The following OCA2 variants were observed in gnomAD, a reference collection of about 807,000 sequenced individuals.
OCA2 encodes P protein.
In OCA2, 77 loss-of-function variants were observed where a neutral mutation model predicts 100.2. The ratio of observed to expected loss-of-function variants is 0.77; its 90% CI spans 0.64 to 0.93. OCA2 has a LOEUF of 0.93. Ranked by LOEUF, OCA2 falls within the 40% of genes least tolerant of loss-of-function variation. The probability of loss-of-function intolerance (pLI) is 0.00; values close to 1 mark genes in which losing one functional copy is unlikely to be tolerated. For missense variants in OCA2, 1,062 were observed against 1,089.1 expected, an observed-to-expected ratio of 0.98 and a Z score of 0.35; for synonymous variants, 432 against 439.2, an observed-to-expected ratio of 0.98 and a Z score of 0.21.
At chr15:27,965,577 T>C (rs2140808969) in intron 15 of OCA2, among the ~76,000 whole-genome samples, 1 of 152,258 alleles carries the variant, frequency 6.6e-6, no homozygotes, top group African/African-American at 2.4e-5. Context: ...CAGCCACCCA[T>C]GTGGAAATGG....
chr15:27,940,940 G>T (rs1427777693), intron 18 of OCA2, among the ~76,000 whole-genome samples: 4 of 152,222 alleles, frequency 2.6e-5, no homozygotes, highest in Admixed American at 2.6e-4. Flanking sequence ...TGTGACCACA[G>T]TGTAGCTTCA....
intron 19 of OCA2, among the ~76,000 whole-genome samples, chr15:27,891,183 A>G (rs1047088732): frequency 3.3e-5 from 5 of 152,226 alleles, no homozygotes; most frequent in Non-Finnish European, 7.3e-5. Flanking sequence ...TCAAGAAAAG[A>G]TAAAGGAATC....
downstream of OCA2, among the ~76,000 whole-genome samples, chr15:27,750,878 G>A (rs1160548584): frequency 1.3e-5 from 2 of 152,162 alleles, no homozygotes; most frequent in African/African-American, 4.8e-5. Context: ...AGAGAATCTG[G>A]ACCTGGGGAG....
chr15:27,798,644 A>G (rs530482692), intron 23 of OCA2, among the ~76,000 whole-genome samples: 116 of 152,282 alleles, frequency 7.6e-4, no homozygotes, highest in African/African-American at 2.5e-3. Flanking sequence ...TTAATTTGAA[A>G]AAAAAAAAAC....
At chr15:27,727,039 T>G in the OCA2 span, among the ~76,000 whole-genome samples, 1 of 152,238 alleles carries the variant, frequency 6.6e-6, no homozygotes, top group Non-Finnish European at 1.5e-5. Flanking sequence ...CGAGTTATGT[T>G]GTGGCAAATC....
At chr15:27,822,869 G>T (rs1341381766) in intron 23 of OCA2, among the ~76,000 whole-genome samples, 2 of 152,098 alleles carry the variant, frequency 1.3e-5, no homozygotes, top group African/African-American at 4.8e-5. Flanking sequence ...GGTAACTTTT[G>T]ATGACCAAAA....
At chr15:27,959,832 G>A (rs1410943889) in intron 15 of OCA2, among the ~76,000 whole-genome samples, 2 of 152,194 alleles carry the variant, frequency 1.3e-5, no homozygotes, top group Non-Finnish European at 2.9e-5. Context: ...AAAAGGAAGT[G>A]CTGCTCCACT....
rs1474892203 is a variant in OCA2, at chr15:28,074,676, A to AC, written c.227+6971_227+6972insG. 5.9e-3 allele frequency among the ~76,000 whole-genome samples: 661 copies of AC among 111,960 alleles called. 5 individuals are homozygous for AC. Among genetic ancestry groups the AC allele is most frequent in the African/African-American group, 0.028 (637 of 22,736 alleles). The allele number at this position is 111,960 out of a possible 152,430, so 73.5% of individuals were successfully genotyped here. On this transcript the variant is annotated intron_variant, in intron 2 of 23. Coordinates refer to ENST00000354638, the MANE Select transcript of OCA2 (RefSeq NM_000275.3). ...GCAACAGAGCGAGACTCCGTCTCAA[A>AC]AAAAAAAAAAAAAAAAAAAAATTAG...
intron 23 of OCA2, among the ~76,000 whole-genome samples, chr15:27,816,987 G>A (rs1744145930): frequency 1.3e-5 from 2 of 152,124 alleles, no homozygotes; most frequent in East Asian, 1.9e-4. Context: ...CAGGTCAGGC[G>A]CTTCCTAGGA....
intron 15 of OCA2, among the ~76,000 whole-genome samples, chr15:27,960,629 T>C (rs904531237): frequency 1.7e-4 from 26 of 152,256 alleles, no homozygotes; most frequent in Admixed American, 8.5e-4. Flanking sequence ...TGTATCTATG[T>C]ATCTATCTCC....
At chr15:27,940,582 G>A (rs1422636666) in intron 18 of OCA2, among the ~76,000 whole-genome samples, 1 of 146,526 alleles carries the variant, frequency 6.8e-6, no homozygotes, top group Non-Finnish European at 1.5e-5. Flanking sequence ...GTGTGGTTGT[G>A]TCAAGCTTCC....
intron 23 of OCA2, among the ~76,000 whole-genome samples, chr15:27,772,908 CAGAT>C (rs916818942): frequency 4.8e-4 from 73 of 151,574 alleles, no homozygotes; most frequent in African/African-American, 1.4e-3. Context: ...TGCTCAGAGA[CAGAT>C]AGTGTCATAT....
chr15:27,891,759 T>C lies in OCA2; in HGVS notation c.2080-19837A>G, dbSNP rs529938497. The stretch of plus-strand genomic sequence containing the variant: ...TATGAAAGAGCAACTTTAATTGAAA[T>C]GGCATATTTAAGCATTAACATATCA... On this transcript the variant is annotated intron_variant, in intron 19 of 23. Transcript: ENST00000354638. Among the ~76,000 whole-genome samples the C allele has an allele frequency of 2.6e-5, 4 of 152,290 alleles. No homozygotes were observed. In the East Asian group the frequency reaches 7.7e-4, roughly 29 times the overall value.
chr15:27,864,867 A>C (rs2036262434), intron 21 of OCA2, among the ~76,000 whole-genome samples: 1 of 151,762 alleles, frequency 6.6e-6, no homozygotes, highest in South Asian at 2.1e-4. Context: ...AGCGGTTCCA[A>C]CTCGGTCTTT....
At chr15:27,926,315 T>C (rs774356450) in intron 18 of OCA2, 61 bp from the exon 19 acceptor site, 27 of 1,590,642 alleles carry the variant, frequency 1.7e-5, no homozygotes, top group Non-Finnish European at 1.9e-5. Context: ...GATTCATTTC[T>C]TTAACCTCTG....
chr15:27,738,228 A>G, the OCA2 span, among the ~76,000 whole-genome samples: 17 of 152,338 alleles, frequency 1.1e-4, no homozygotes, highest in Non-Finnish European at 1.8e-4. Context: ...TAGCACAATT[A>G]TTAATAAGAC....
At chr15:27,823,140 CTG>C (rs1478722236) in intron 23 of OCA2, among the ~76,000 whole-genome samples, 2 of 152,236 alleles carry the variant, frequency 1.3e-5, no homozygotes, top group African/African-American at 4.8e-5. Flanking sequence ...AGTGTTACCT[CTG>C]TCATAAATCG....
chr15:27,764,419 C>T (rs1033263162), intron 23 of OCA2, among the ~76,000 whole-genome samples: 3 of 152,188 alleles, frequency 2.0e-5, no homozygotes, highest in African/African-American at 7.2e-5. Context: ...TAAAGATGCA[C>T]ACAGCAGGGC....
chr15:27,975,178 G>C (rs1223350056), intron 14 of OCA2, among the ~76,000 whole-genome samples: 1 of 152,152 alleles, frequency 6.6e-6, no homozygotes, highest in African/African-American at 2.4e-5. Context: ...AGTTAATTCA[G>C]ATTGTGTGTA....
Sources: gnomAD v4.1 joint callset for allele counts (sites outside exome capture counted in the v4.1 genomes callset) on GRCh38, gnomAD v4.1.1 for gene constraint, MANE v1.5 for transcripts, NCBI Gene and HGNC (gene_info 2026-07-23, HGNC 2026-07-21) for gene names.